POU6F2: variants seen among roughly 807,000 people sequenced by gnomAD.
POU6F2 encodes the protein POU domain, class 6, transcription factor 2.
In POU6F2, 31 loss-of-function variants were observed where a neutral mutation model predicts 71.3. The ratio of observed to expected loss-of-function variants is 0.43; its 90% confidence interval spans 0.33 to 0.59. POU6F2 has a LOEUF of 0.59. Among genes scored for constraint, POU6F2 ranks in the 20% least tolerant of loss-of-function variants. POU6F2 has a pLI of 0.04. For synonymous variants in POU6F2, 347 were observed against 355.7 expected, an observed-to-expected ratio of 0.98 and a Z score of 0.27; for missense variants, 783 against 856.8, an observed-to-expected ratio of 0.91 and a Z score of 1.07.
chr7:39,151,074 C>T (rs1233947375), intron 2 of POU6F2, among the ~76,000 whole-genome samples: 1 of 151,924 alleles, frequency 6.6e-6, no homozygotes. Context: ...CTCTTTCAAC[C>T]TATGGGAGGT....
At chr7:39,066,970 T>C (rs1584525458) in intron 1 of POU6F2, among the ~76,000 whole-genome samples, 1 of 147,942 alleles carries the variant, frequency 6.8e-6, no homozygotes, top group Non-Finnish European at 1.5e-5. Context: ...GCATTATACA[T>C]CATCATATAT....
chr7:39,395,410 C>A (rs982464320), intron 5 of POU6F2, among the ~76,000 whole-genome samples: 8 of 152,206 alleles, frequency 5.3e-5, no homozygotes, highest in Admixed American at 5.2e-4. Context: ...CAACTCTGAG[C>A]CATCCTTTAC....
intron 2 of POU6F2, among the ~76,000 whole-genome samples, chr7:39,165,221 A>G (rs145293916): frequency 1.6e-4 from 25 of 152,146 alleles, no homozygotes; most frequent in Non-Finnish European, 3.4e-4. Flanking sequence ...GTGGTGTCTC[A>G]GGTGAGACTA....
chr7:39,007,350 G>A (rs1789102791), intron 1 of POU6F2, among the ~76,000 whole-genome samples: 1 of 152,164 alleles, frequency 6.6e-6, no homozygotes, highest in Non-Finnish European at 1.5e-5. Flanking sequence ...TTGGGGGGAA[G>A]TTGGGTCAGT....
chr7:39,033,925 C>T (rs1790004522), intron 1 of POU6F2, among the ~76,000 whole-genome samples: 1 of 152,144 alleles, frequency 6.6e-6, no homozygotes, highest in African/African-American at 2.4e-5. Flanking sequence ...GTCTTCTCAG[C>T]TGTAATGTTA....
At chr7:39,130,888 G>A (rs1792261086) in intron 2 of POU6F2, among the ~76,000 whole-genome samples, 1 of 152,198 alleles carries the variant, frequency 6.6e-6, no homozygotes, top group Non-Finnish European at 1.5e-5. Context: ...GAGGAATCCG[G>A]CCTTTCGGCG....
chr7:39,422,947 G>C (rs1290044992), intron 6 of POU6F2, among the ~76,000 whole-genome samples: 1 of 152,134 alleles, frequency 6.6e-6, no homozygotes, highest in Non-Finnish European at 1.5e-5. Flanking sequence ...CAATGGTGCA[G>C]CAACATCATC....
At chr7:39,064,519 C>G (rs6979210) in intron 1 of POU6F2, among the ~76,000 whole-genome samples, 38,227 of 151,224 alleles carry the variant, frequency 0.25, 5,576 homozygotes, top group East Asian at 0.73. Context: ...CTCCAAATGA[C>G]AAATGAAGCA....
chr7:39,255,481 C>T (rs1784003267), intron 4 of POU6F2, among the ~76,000 whole-genome samples: 1 of 152,128 alleles, frequency 6.6e-6, no homozygotes, highest in Non-Finnish European at 1.5e-5. Context: ...TGTCTGGTGT[C>T]ACATGAAGAA....
At chr7:39,408,612 G>A (rs187524837) in intron 6 of POU6F2, among the ~76,000 whole-genome samples, 144 of 152,290 alleles carry the variant, frequency 9.5e-4, no homozygotes, top group African/African-American at 3.1e-3. Flanking sequence ...TGGTATGATC[G>A]TTTATTTGAT....
intron 2 of POU6F2, among the ~76,000 whole-genome samples, chr7:39,187,885 C>T (rs771806706): frequency 4.6e-5 from 7 of 152,074 alleles, no homozygotes; most frequent in Non-Finnish European, 8.8e-5. Flanking sequence ...TTCCATATGC[C>T]TGAGTTAATT....
intron 4 of POU6F2, among the ~76,000 whole-genome samples, chr7:39,241,778 C>T (rs556505615): frequency 5.5e-4 from 83 of 152,140 alleles, no homozygotes; most frequent in Non-Finnish European, 1.0e-3. Flanking sequence ...AAAGCAAAAT[C>T]CACTCTTTTC....
At chr7:39,202,841 A>G (rs1793936628) in intron 2 of POU6F2, among the ~76,000 whole-genome samples, 1 of 152,208 alleles carries the variant, frequency 6.6e-6, no homozygotes, top group Non-Finnish European at 1.5e-5. Flanking sequence ...AAATGTCAGC[A>G]AGTCTGTGTT....
At chr7:39,421,035 A>T (rs1174341937) in intron 6 of POU6F2, among the ~76,000 whole-genome samples, 4 of 152,182 alleles carry the variant, frequency 2.6e-5, no homozygotes. Context: ...ACTATGAGAA[A>T]CCACAATTGG....
intron 2 of POU6F2, among the ~76,000 whole-genome samples, chr7:39,156,982 T>C (rs1261852074): frequency 1.3e-5 from 2 of 152,198 alleles, no homozygotes; most frequent in Admixed American, 1.3e-4. Context: ...TTTCTTTTGT[T>C]TCTACTGCAA....
At chr7:39,139,162 A>T (rs892635300) in intron 2 of POU6F2, among the ~76,000 whole-genome samples, 1 of 152,206 alleles carries the variant, frequency 6.6e-6, no homozygotes, top group African/African-American at 2.4e-5. Flanking sequence ...AAGCTATCCC[A>T]TCTTACTGAT....
chr7:39,151,455 C>T (rs974368920), intron 2 of POU6F2, among the ~76,000 whole-genome samples: 3 of 152,106 alleles, frequency 2.0e-5, no homozygotes, highest in Non-Finnish European at 4.4e-5. Flanking sequence ...GTCCAGAAGT[C>T]GCTGGGACCA....
chr7:39,263,386 G>T (rs1784175693), intron 4 of POU6F2, among the ~76,000 whole-genome samples: 1 of 152,076 alleles, frequency 6.6e-6, no homozygotes, highest in South Asian at 2.1e-4. Flanking sequence ...ACCTTCTATA[G>T]CAGTCAAGGT....
In POU6F2 at chr7:39,296,814, G is replaced by A. The variant is rs6960580; in HGVS notation, c.599-42828G>A. Among the ~76,000 whole-genome samples the A allele has an allele frequency of 3.3e-5, 5 of 152,162 alleles. No individual in the cohort carries two copies. In the South Asian group the frequency reaches 1.0e-3, roughly 32 times the overall value. ...GACAATAGGTTCTACACCTGGTTTT[G>A]TTCACTATGGTTTCTCCAGTGCCTG... On this transcript the variant is annotated intron_variant, in intron 4 of 9. Coordinates refer to ENST00000518318, the MANE Select transcript of POU6F2 (RefSeq NM_001370959.1).
Sources: allele counts gnomAD v4.1 joint callset (sites outside exome capture counted in the v4.1 genomes callset), GRCh38; gene constraint gnomAD v4.1.1; transcripts MANE v1.5; gene names NCBI Gene and HGNC (gene_info 2026-07-23, HGNC 2026-07-21).